Variants in OPCML observed in about 807,000 individuals in gnomAD.
OPCML encodes the protein opioid binding protein/cell adhesion molecule like.
A neutral mutation model predicts 37.8 loss-of-function variants in OPCML; 13 were observed. That is an observed-to-expected ratio of 0.34 (90% confidence interval 0.22 to 0.55). OPCML has a LOEUF of 0.55. Ranked by LOEUF, OPCML falls within the 20% of genes least tolerant of loss-of-function variation. The pLI, the probability that OPCML is intolerant of heterozygous loss-of-function variation, is 0.91. For missense variants in OPCML, 341 were observed against 435.6 expected, an observed-to-expected ratio of 0.78 and a Z score of 1.93; for synonymous variants, 176 against 168.8, an observed-to-expected ratio of 1.04 and a Z score of -0.33.
At chr11:132,723,979 G>A (rs1374524619) in intron 2 of OPCML, among the ~76,000 whole-genome samples, 1 of 152,174 alleles carries the variant, frequency 6.6e-6, no homozygotes, top group Admixed American at 6.6e-5. Context: ...TAAAGCCTAA[G>A]ACAGCCAGAC....
At chr11:133,145,673 A>G (rs1949887586) in intron 1 of OPCML, among the ~76,000 whole-genome samples, 1 of 152,250 alleles carries the variant, frequency 6.6e-6, no homozygotes, top group Non-Finnish European at 1.5e-5. Flanking sequence ...GGCACATTGG[A>G]TAAGAAAGAG....
chr11:132,930,800 A>G (rs1016725459), intron 2 of OPCML, among the ~76,000 whole-genome samples: 1 of 152,240 alleles, frequency 6.6e-6, no homozygotes, highest in Non-Finnish European at 1.5e-5. Context: ...TGCCATTGAA[A>G]TAGAAAAATC....
intron 1 of OPCML, among the ~76,000 whole-genome samples, chr11:133,148,835 C>A (rs1454635735): frequency 6.6e-6 from 1 of 152,156 alleles, no homozygotes; most frequent in Non-Finnish European, 1.5e-5. Flanking sequence ...ACTCAGGAAG[C>A]TGCCTTAGAT....
chr11:132,869,735 G>T (rs1942722270), intron 2 of OPCML, among the ~76,000 whole-genome samples: 1 of 152,144 alleles, frequency 6.6e-6, no homozygotes, highest in South Asian at 2.1e-4. Context: ...AGCTAATTGT[G>T]CACATCTCTG....
intron 2 of OPCML, among the ~76,000 whole-genome samples, chr11:132,800,435 C>A (rs181339179): frequency 6.6e-6 from 1 of 152,160 alleles, no homozygotes; most frequent in Non-Finnish European, 1.5e-5. Flanking sequence ...TAGCTAGAAC[C>A]CATAGCACCT....
In OPCML at chr11:133,161,105, C is replaced by T. The variant is rs181098923; in HGVS notation, c.62-218095G>A. On this transcript the variant is annotated intron_variant, in intron 1 of 7. Coordinates refer to ENST00000524381, the MANE Select transcript of OPCML (RefSeq NM_001012393.5). ...CTCTTAATCGACTAAAGGGAATCCA[C>T]AGGAGGATGTTCAGACAAGCCAGGG... is the stretch of plus-strand genomic sequence containing the variant. Among the ~76,000 whole-genome samples the T allele has an allele frequency of 6.5e-3, 995 of 152,316 alleles. 6 individuals carry two copies. The highest frequency in any genetic ancestry group is 0.011 in the Non-Finnish European group (776 of 68,020).
chr11:133,202,670 C>T (rs968398149), intron 1 of OPCML, among the ~76,000 whole-genome samples: 1 of 152,186 alleles, frequency 6.6e-6, no homozygotes, highest in African/African-American at 2.4e-5. Context: ...TAGTAGCAAC[C>T]CACTCAGTTA....
intron 1 of OPCML, among the ~76,000 whole-genome samples, chr11:133,034,722 G>A (rs1947744306): frequency 6.6e-6 from 1 of 151,556 alleles, no homozygotes; most frequent in African/African-American, 2.4e-5. Context: ...TGAGAAGTAA[G>A]TGCTTAGTAA....
At chr11:133,467,575 C>T (rs189650005) in intron 1 of OPCML, among the ~76,000 whole-genome samples, 6 of 152,172 alleles carry the variant, frequency 3.9e-5, no homozygotes, top group Admixed American at 3.9e-4. Context: ...AGAAGGATGG[C>T]CAGAGAGGGA....
intron 1 of OPCML, among the ~76,000 whole-genome samples, chr11:133,241,344 T>A (rs1481597001): frequency 6.6e-6 from 1 of 152,228 alleles, no homozygotes; most frequent in Non-Finnish European, 1.5e-5. Context: ...AATGAATTCA[T>A]GTACAAAAAT....
At chr11:132,457,237 G>A (rs894722573) in intron 4 of OPCML, among the ~76,000 whole-genome samples, 8 of 152,196 alleles carry the variant, frequency 5.3e-5, no homozygotes, top group African/African-American at 1.2e-4. Context: ...TGAGGCTGAC[G>A]AATTGAGCAG....
chr11:132,450,427 T>G (rs2096065554), intron 4 of OPCML, among the ~76,000 whole-genome samples: 1 of 152,040 alleles, frequency 6.6e-6, no homozygotes, highest in South Asian at 2.1e-4. Flanking sequence ...GGAAACCATA[T>G]GGGGCGGGTG....
intron 1 of OPCML, among the ~76,000 whole-genome samples, chr11:132,994,508 C>T (rs1226494288): frequency 6.6e-6 from 1 of 151,984 alleles, no homozygotes; most frequent in Admixed American, 6.5e-5. Context: ...CGACCAGGCA[C>T]AAATAACTGC....
chr11:132,424,708 A>G (rs948212180), intron 7 of OPCML, among the ~76,000 whole-genome samples: 2 of 152,088 alleles, frequency 1.3e-5, no homozygotes, highest in Non-Finnish European at 2.9e-5. Context: ...CTCACTGAAA[A>G]CAGGCATGAT....
intron 7 of OPCML, among the ~76,000 whole-genome samples, chr11:132,433,474 C>T (rs948831412): frequency 1.5e-4 from 23 of 152,096 alleles, no homozygotes; most frequent in Non-Finnish European, 2.4e-4. Context: ...TTGAAGCAGG[C>T]GTTAATGTCC....
chr11:133,498,219 C>T (rs968624884), intron 1 of OPCML, among the ~76,000 whole-genome samples: 1 of 152,176 alleles, frequency 6.6e-6, no homozygotes, highest in African/African-American at 2.4e-5. Flanking sequence ...GAGCCCAGGT[C>T]TCTCCCAGGA....
intron 4 of OPCML, among the ~76,000 whole-genome samples, chr11:132,490,861 G>A (rs916398096): frequency 4.0e-5 from 6 of 150,722 alleles, no homozygotes; most frequent in South Asian, 2.1e-4. Flanking sequence ...GTCTTCTCCC[G>A]TGTCTAAAGA....
intron 1 of OPCML, among the ~76,000 whole-genome samples, chr11:133,466,764 GA>G (rs1378959996): frequency 6.6e-6 from 1 of 152,178 alleles, no homozygotes; most frequent in African/African-American, 2.4e-5. Flanking sequence ...TGAGTGACAA[GA>G]AGGTGGGAGT....
At chr11:133,377,038 G>A (rs1165673419) in intron 1 of OPCML, among the ~76,000 whole-genome samples, 1 of 152,100 alleles carries the variant, frequency 6.6e-6, no homozygotes, top group African/African-American at 2.4e-5. Context: ...GGGAAAGAGC[G>A]GGACTATGTA....
Sources: gnomAD v4.1 joint callset for allele counts (sites outside exome capture counted in the v4.1 genomes callset) on GRCh38, gnomAD v4.1.1 for gene constraint, MANE v1.5 for transcripts, NCBI Gene and HGNC (gene_info 2026-07-23, HGNC 2026-07-21) for gene names.